Variants in PRH1 observed in about 807,000 individuals in gnomAD.
PRH1 encodes proline rich protein HaeIII subfamily 1, also known as salivary acidic proline-rich phosphoprotein 1/2.
In PRH1, 7 loss-of-function variants were observed where a neutral mutation model predicts 7.9. That is an observed-to-expected ratio of 0.89 (90% confidence interval 0.50 to 1.67). The LOEUF (loss-of-function observed/expected upper bound fraction) is 1.67. Ranked by LOEUF, PRH1 falls within the 40% of genes most tolerant of loss-of-function variation. The pLI, the probability that PRH1 is intolerant of heterozygous loss-of-function variation, is 0.00. For synonymous variants in PRH1, 45 were observed against 80.8 expected, an observed-to-expected ratio of 0.56 and a Z score of 2.38; for missense variants, 109 against 223.6, an observed-to-expected ratio of 0.49 and a Z score of 3.27.
intron 1 of PRH1, among the ~76,000 whole-genome samples, chr12:11,062,521 A>G (rs557734193): frequency 3.3e-5 from 5 of 152,080 alleles, no homozygotes; most frequent in African/African-American, 1.2e-4. Flanking sequence ...TTTCAAAACA[A>G]CTCAAATTAA....
At chr12:10,915,268 T>C (rs954847952) in intron 2 of PRH1, among the ~76,000 whole-genome samples, 1 of 152,256 alleles carries the variant, frequency 6.6e-6, no homozygotes, top group Non-Finnish European at 1.5e-5. Context: ...TACTGCTCTT[T>C]CAGTTTGACA....
intron 1 of PRH1, among the ~76,000 whole-genome samples, chr12:11,069,250 T>A (rs548438099): frequency 6.6e-6 from 1 of 152,082 alleles, no homozygotes; most frequent in East Asian, 1.9e-4. Context: ...AATTTGACAT[T>A]TGAAGGAAAA....
intron 2 of PRH1, among the ~76,000 whole-genome samples, chr12:10,918,642 G>C (rs559738094): frequency 4.9e-4 from 75 of 152,122 alleles, no homozygotes; most frequent in Non-Finnish European, 1.0e-3. Context: ...GCTCTCACTA[G>C]CATTAAACGA....
At position 11,091,054 on chromosome 12, in the gene PRH1, G is replaced by C. The variant is rs563560382; in HGVS notation, n.124-43866C>G. Among the ~76,000 whole-genome samples the C allele has an allele frequency of 1.0e-4, 8 of 77,744 alleles. 1 individual carries two copies. The highest frequency in any genetic ancestry group is 3.0e-4 in the African/African-American group (8 of 26,362). 51.0% of individuals were successfully genotyped at this position (77,744 alleles called of 152,430 possible). A position where few individuals can be genotyped will look rare whatever the true frequency, so the allele number is the denominator to read the frequency against. ...ATTTGGCAGTTTGTATGAAAAAACA[G>C]AAAAGAGCATGTTGTTGTCAATGTT... On this transcript the variant is annotated intron_variant and non_coding_transcript_variant, in intron 1 of 4. Transcript: ENST00000541977.
At chr12:10,939,869 T>G (rs1388644698) in intron 2 of PRH1, among the ~76,000 whole-genome samples, 3 of 152,182 alleles carry the variant, frequency 2.0e-5, no homozygotes, top group African/African-American at 7.2e-5. Context: ...AAAAAATATT[T>G]GTTACCTGTT....
intron 1 of PRH1, chr12:11,133,220 A>G (rs1946425024): frequency 1.3e-6 from 2 of 1,530,246 alleles, no homozygotes; most frequent in East Asian, 4.5e-5. Flanking sequence ...TTATTCATAT[A>G]CATATATTAC....
chr12:11,150,906 T>C (rs1328928416), intron 1 of PRH1, among the ~76,000 whole-genome samples: 2 of 152,218 alleles, frequency 1.3e-5, no homozygotes, highest in Non-Finnish European at 2.9e-5. Flanking sequence ...AAACACTTTC[T>C]ATAGGTTTCA....
chr12:10,963,945 C>T (rs147849481), intron 2 of PRH1, among the ~76,000 whole-genome samples: 113 of 152,114 alleles, frequency 7.4e-4, no homozygotes, highest in Middle Eastern at 3.4e-3. Context: ...GATTAGAATG[C>T]GCATACCATC....
At chr12:10,937,050 G>GA (rs1364175994) in intron 2 of PRH1, among the ~76,000 whole-genome samples, 3 of 151,942 alleles carry the variant, frequency 2.0e-5, no homozygotes, top group Non-Finnish European at 2.9e-5. Context: ...CTTAGCCCTT[G>GA]AAAAAATGAA....
chr12:11,086,646 GCT>G (rs1363500704), intron 1 of PRH1, among the ~76,000 whole-genome samples: 1 of 143,560 alleles, frequency 7.0e-6, no homozygotes, highest in Non-Finnish European at 1.5e-5. Flanking sequence ...GGGTGCGGTG[GCT>G]CAGGCCTGTA....
chr12:10,964,079 T>G (rs1938384464), intron 2 of PRH1, among the ~76,000 whole-genome samples: 1 of 152,192 alleles, frequency 6.6e-6, no homozygotes, highest in African/African-American at 2.4e-5. Flanking sequence ...CAATTATAAA[T>G]AGAGATCATA....
intron 1 of PRH1, among the ~76,000 whole-genome samples, chr12:11,076,511 AG>A (rs1944297173): frequency 8.5e-6 from 1 of 118,058 alleles, no homozygotes; most frequent in South Asian, 2.3e-4. Flanking sequence ...TCAGGAGCTC[AG>A]AGGTGGCTAA....
intron 2 of PRH1, chr12:10,937,874 T>C (rs1033290626): frequency 1.2e-5 from 2 of 160,680 alleles, no homozygotes; most frequent in African/African-American, 4.8e-5. Flanking sequence ...AAATTCCATA[T>C]TCTTTTATGT....
At chr12:11,019,124 AAC>A (rs1288018192) in intron 1 of PRH1, among the ~76,000 whole-genome samples, 1 of 152,290 alleles carries the variant, frequency 6.6e-6, no homozygotes, top group Non-Finnish European at 1.5e-5. Context: ...TTCTGCCTCA[AAC>A]AAACTTTGGC....
chr12:10,999,749 C>G (rs1282447318), intron 1 of PRH1, among the ~76,000 whole-genome samples: 1 of 152,014 alleles, frequency 6.6e-6, no homozygotes, highest in African/African-American at 2.4e-5. Flanking sequence ...TATACTTTAC[C>G]AGCTAGGTTC....
At chr12:10,907,419 AACT>A (rs1949820074) in intron 2 of PRH1, among the ~76,000 whole-genome samples, 1 of 152,122 alleles carries the variant, frequency 6.6e-6, no homozygotes, top group Non-Finnish European at 1.5e-5. Context: ...CTCAGGAACA[AACT>A]ACTGATTAAT....
chr12:11,170,461 G>A (rs1382849083), intron 1 of PRH1, among the ~76,000 whole-genome samples: 1 of 152,172 alleles, frequency 6.6e-6, no homozygotes, highest in Non-Finnish European at 1.5e-5. Flanking sequence ...GCAGGAGAAT[G>A]GCGTGAACCC....
At chr12:10,993,407 A>T (rs959124622) in intron 1 of PRH1, among the ~76,000 whole-genome samples, 4 of 152,202 alleles carry the variant, frequency 2.6e-5, no homozygotes, top group African/African-American at 4.8e-5. Context: ...GCAGGAAGTG[A>T]TGAGTTTCTC....
At chr12:10,928,138 T>C (rs1433288089) in intron 2 of PRH1, among the ~76,000 whole-genome samples, 2 of 152,122 alleles carry the variant, frequency 1.3e-5, no homozygotes, top group East Asian at 3.8e-4. Context: ...TCTCAGCATA[T>C]AAAATATCAA....
Sources: gnomAD v4.1 joint callset for allele counts (sites outside exome capture counted in the v4.1 genomes callset) on GRCh38, gnomAD v4.1.1 for gene constraint, MANE v1.5 for transcripts, NCBI Gene and HGNC (gene_info 2026-07-23, HGNC 2026-07-21) for gene names.